The following PRKD3 variants were observed in gnomAD, a reference collection of about 807,000 sequenced individuals.
PRKD3 encodes serine/threonine-protein kinase D3.
A neutral mutation model predicts 99.2 loss-of-function variants in PRKD3; 47 were observed. The ratio of observed to expected loss-of-function variants is 0.47; its 90% confidence interval spans 0.38 to 0.60. PRKD3 has a LOEUF of 0.60. PRKD3 is among the 20% of genes least tolerant of loss of function. The probability of loss-of-function intolerance (pLI) is 0.00; values close to 1 mark genes in which losing one functional copy is unlikely to be tolerated. For synonymous variants in PRKD3, 392 were observed against 355.4 expected (o/e 1.10, Z -1.16); for missense variants, 1,019 against 1,088.4 (o/e 0.94, Z 0.90).
Position 37,253,074 on chromosome 2 carries a change from A to C in PRKD3, c.*103T>G. 4 of 1,199,418 alleles carry C rather than the reference A, an allele frequency of 3.3e-6. No individual in the cohort carries two copies. The highest frequency in any genetic ancestry group is 4.6e-6 in the Non-Finnish European group (4 of 866,708). 74.3% of individuals were successfully genotyped at this position (1,199,418 alleles called of 1,614,324 possible). ...CACTTATTCGTTATCATATTTCTTC[A>C]TATCTTTGCAGCACTGCAGATGACA... On this transcript the variant is annotated 3_prime_UTR_variant, in exon 19 of 19. Transcript: ENST00000234179.
chr2:37,306,928 C>T lies in PRKD3; in HGVS notation c.288+9309G>A, dbSNP rs1479494676. 2.6e-5 allele frequency among the ~76,000 whole-genome samples: 4 copies of T among 152,260 alleles called. No individual in the cohort carries two copies. The East Asian group carries it at 7.7e-4, about 29-fold the overall frequency. ...AGTCATATTCCCTATTTTACTAAGC[C>T]CCTACAATGGTACTAAAAGAGAGAC... On this transcript the variant is annotated intron_variant, in intron 2 of 18. Coordinates refer to ENST00000234179, the MANE Select transcript of PRKD3 (RefSeq NM_005813.6).
chr2:37,256,901 C>T lies in PRKD3; in HGVS notation c.2174G>A (p.Arg725His), dbSNP rs1667997686. The T allele has an allele frequency of 7.4e-6, 12 of 1,613,830 alleles. No homozygotes were observed. The highest frequency in any genetic ancestry group is 1.1e-5 in the South Asian group (1 of 91,056). Residue 725 changes from arginine (R) to histidine (H), a missense_variant, in exon 17 of 19, where the codon CGC becomes CAC. Transcript: ENST00000234179. ...QVKLCDFGFA[R>H]IIGEKSFRRS... ...CCTGAATGACTTTTCACCAATGATG[C>T]GTGCAAATCCAAAGTCACACAGCTT...
At chr2:37,257,390 G>A (rs543009288) in intron 16 of PRKD3, among the ~76,000 whole-genome samples, 1 of 152,094 alleles carries the variant, frequency 6.6e-6, no homozygotes. Context: ...TATTAGCCAG[G>A]TGTGGTGGCT....
In PRKD3 at chr2:37,317,705, G is replaced by C. The variant is rs1008458109; in HGVS notation, c.-655-526C>G. ...TTTCAGAAGGCTAAGGAAGCAGGAG[G>C]GGATATACTGAACAGTTAAATGATC... On this transcript the variant is annotated intron_variant, in intron 1 of 18. Transcript: ENST00000234179. 4 of 152,182 alleles carry C rather than the reference G, an allele frequency of 2.6e-5. No homozygotes were observed. The East Asian group carries it at 7.7e-4, about 29-fold the overall frequency. The allele number at this position is 152,182 out of a possible 1,614,324, so 9.4% of individuals were successfully genotyped here.
chr2:37,316,035 A>G (rs1671641171), intron 2 of PRKD3, among the ~76,000 whole-genome samples: 1 of 152,174 alleles, frequency 6.6e-6, no homozygotes, highest in Non-Finnish European at 1.5e-5. Context: ...AAATAAATGT[A>G]TTTTAAATCT....
intron 2 of PRKD3, 129 bp from the exon 3 acceptor site, chr2:37,293,400 A>C (rs1670537452): frequency 7.8e-6 from 7 of 898,824 alleles, no homozygotes; most frequent in Non-Finnish European, 1.1e-5. Flanking sequence ...AATTCTATTG[A>C]TACCTAAAAG....
At chr2:37,262,112 T>G (rs935326931) in intron 14 of PRKD3, among the ~76,000 whole-genome samples, 1 of 152,214 alleles carries the variant, frequency 6.6e-6, no homozygotes, top group African/African-American at 2.4e-5. Context: ...TATGGAGATA[T>G]GACCCCGTCG....
chr2:37,312,205 G>GA (rs200223576), intron 2 of PRKD3, among the ~76,000 whole-genome samples: 3,469 of 152,126 alleles, frequency 0.023, 60 homozygotes, highest in Middle Eastern at 0.051. Flanking sequence ...ATTTTGTTGG[G>GA]AAAAAATAGA....
chr2:37,261,983 T>A (rs1668497353), intron 14 of PRKD3, among the ~76,000 whole-genome samples: 1 of 152,200 alleles, frequency 6.6e-6, no homozygotes, highest in Non-Finnish European at 1.5e-5. Flanking sequence ...TTGTGTTAGA[T>A]GATTTTGCCC....
intron 2 of PRKD3, among the ~76,000 whole-genome samples, chr2:37,301,863 T>TGA (rs1215075453): frequency 1.3e-5 from 2 of 152,238 alleles, no homozygotes; most frequent in Admixed American, 6.5e-5. Context: ...GATCCTCAGC[T>TGA]GAGATGATTT....
chr2:37,308,718 G>A (rs1671280164), intron 2 of PRKD3, among the ~76,000 whole-genome samples: 2 of 152,154 alleles, frequency 1.3e-5, no homozygotes, highest in South Asian at 4.1e-4. Context: ...GCCTCCCAAA[G>A]TGCTAGGATC....
chr2:37,260,865 G>A (rs1032394100), intron 14 of PRKD3, among the ~76,000 whole-genome samples: 6 of 151,702 alleles, frequency 4.0e-5, no homozygotes, highest in African/African-American at 1.5e-4. Context: ...CCTTTTTTTA[G>A]GCTCAACATC....
intron 4 of PRKD3, among the ~76,000 whole-genome samples, chr2:37,290,348 C>T (rs993598353): frequency 6.6e-6 from 1 of 152,052 alleles, no homozygotes; most frequent in Non-Finnish European, 1.5e-5. Context: ...TTCTCCTGCC[C>T]CAGCCTCCCG....
At chr2:37,253,483 C>A in intron 18 of PRKD3, 133 bp from the exon 19 acceptor site, 1 of 625,988 alleles carries the variant, frequency 1.6e-6, no homozygotes, top group Non-Finnish European at 2.6e-6. Context: ...TCATAAGTAT[C>A]TACTATGTAC....
At position 37,324,688 on chromosome 2, in the gene PRKD3, G is replaced by A. The variant is rs1178795562; in HGVS notation, c.-663C>T. The A allele has an allele frequency of 1.3e-5, 2 of 150,784 alleles. 1 individual carries two copies. Among genetic ancestry groups the A allele is most frequent in the Non-Finnish European group, 3.0e-5 (2 of 67,212 alleles). 9.3% of individuals were successfully genotyped at this position (150,784 alleles called of 1,614,324 possible). On this transcript the variant is annotated 5_prime_UTR_variant, in exon 1 of 19. Transcript: ENST00000234179. ...CCCGAGGCGACTACTTACAGTGGCAGGCTCGGCCCGTCGTGAGAAACTGCG... is the reference window on the plus strand; with the variant it reads ...CCCGAGGCGACTACTTACAGTGGCAAGCTCGGCCCGTCGTGAGAAACTGCG...
intron 17 of PRKD3, among the ~76,000 whole-genome samples, chr2:37,256,383 T>C (rs966722254): frequency 1.3e-5 from 2 of 152,158 alleles, no homozygotes; most frequent in Admixed American, 1.3e-4. Context: ...GAAAAGAGTT[T>C]AACAGGTAAG....
chr2:37,313,337 G>GA (rs35889491), intron 2 of PRKD3, among the ~76,000 whole-genome samples: 55,494 of 143,632 alleles, frequency 0.39, 10,505 homozygotes, highest in Middle Eastern at 0.41. Flanking sequence ...CGGAATTGAT[G>GA]AAAAAAAAAA....
intron 14 of PRKD3, among the ~76,000 whole-genome samples, chr2:37,266,987 A>G (rs1329329361): frequency 4.6e-5 from 7 of 152,256 alleles, no homozygotes; most frequent in African/African-American, 7.2e-5. Context: ...AATTGAAATC[A>G]TTGCCAATAT....
chr2:37,296,680 G>A (rs1333715439), intron 2 of PRKD3, among the ~76,000 whole-genome samples: 2 of 151,924 alleles, frequency 1.3e-5, no homozygotes, highest in African/African-American at 4.8e-5. Flanking sequence ...GGAAGATCAG[G>A]AGGTCAAGAG....
Sources: allele counts gnomAD v4.1 joint callset (sites outside exome capture counted in the v4.1 genomes callset), GRCh38; gene constraint gnomAD v4.1.1; transcripts MANE v1.5; gene names NCBI Gene and HGNC (gene_info 2026-07-23, HGNC 2026-07-21).